The following LTBP4 variants were observed in gnomAD, a reference collection of about 807,000 sequenced individuals.
LTBP4 encodes the protein latent transforming growth factor beta binding protein 4.
A neutral mutation model predicts 180.2 loss-of-function variants in LTBP4; 93 were observed. The observed-to-expected ratio is 0.52, with a 90% CI of 0.44 to 0.61. The LOEUF (loss-of-function observed/expected upper bound fraction) is 0.61. Ranked by LOEUF, LTBP4 falls within the 20% of genes least tolerant of loss-of-function variation. The pLI is 0.00. For missense variants in LTBP4, 2,116 were observed against 2,256.5 expected, an observed-to-expected ratio of 0.94 and a Z score of 1.26; for synonymous variants, 947 against 934.5, an observed-to-expected ratio of 1.01 and a Z score of -0.24.
chr19:40,604,369 T>C (rs1012455395), intron 1 of LTBP4, among the ~76,000 whole-genome samples: 1 of 151,906 alleles, frequency 6.6e-6, no homozygotes, highest in Non-Finnish European at 1.5e-5. Flanking sequence ...CGGGGAGTTA[T>C]GCCAGGGAGT....
In LTBP4 at chr19:40,629,465, A is replaced by C. The variant is rs1422315333; in HGVS notation, c.4589A>C (p.Asp1530Ala). Residue 1530 changes from aspartate (D) to alanine (A), a missense_variant, in exon 30 of 30, where the codon GAT (aspartate) becomes GCT (alanine). Transcript: ENST00000396819. This position sits in a 1 kb window ranked among gnomAD's most constrained non-coding sequence, Gnocchi z 4.5. The stretch of plus-strand genomic sequence containing the variant: ...GTCAACGCGCGTTGCCTCAACACGG[A>C]TGGCTCCTTCCGCTGCATCTGCCGC... ...LCVNARCLNT[D>A]GSFRCICRPG... is the part of the protein sequence containing the mutation. 3.1e-6 allele frequency: 5 copies of C among 1,610,734 alleles called. No homozygotes were observed. Among genetic ancestry groups the C allele is most frequent in the Non-Finnish European group, 4.2e-6 (5 of 1,178,168 alleles).
Position 40,609,537 on chromosome 19 carries a change from C to T in LTBP4, c.1434C>T (p.Ser478=). Residue 478 remains serine, a synonymous_variant, in exon 10 of 30, where the codon TCC becomes TCT. Transcript: ENST00000396819. This position sits in a 1 kb window ranked among gnomAD's most constrained non-coding sequence, Gnocchi z 4.9. Reference sequence around the variant, plus strand: ...GCTGACTGGACCCCCCAGGTCCCTCCTCCGGCATGTGTCAGCGCAACCCCC... The same window carrying T: ...GCTGACTGGACCCCCCAGGTCCCTCTTCCGGCATGTGTCAGCGCAACCCCC... ...TGPEIPESGP[S]SGMCQRNPQV... The T allele has an allele frequency of 1.9e-6, 3 of 1,613,050 alleles. No homozygotes were observed. Among genetic ancestry groups the T allele is most frequent in the African/African-American group, 1.3e-5 (1 of 75,028 alleles).
In LTBP4 at chr19:40,613,632, G is replaced by A. The variant is rs1599868631; in HGVS notation, c.2557+103G>A. The A allele has an allele frequency of 1.3e-6, 2 of 1,519,608 alleles. No homozygotes were observed. Among genetic ancestry groups the A allele is most frequent in the Non-Finnish European group, 1.8e-6 (2 of 1,131,464 alleles). The allele number at this position is 1,519,608 out of a possible 1,614,324, so 94.1% of individuals were successfully genotyped here. ...AAAAGGGGAAAACGAGTTTTTAGCC[G>A]GGGTATTCCAGCAGGATCAGGGGGC... On this transcript the variant is annotated intron_variant, in intron 17 of 29. Transcript: ENST00000396819. This position sits in a 1 kb window ranked among gnomAD's most constrained non-coding sequence, Gnocchi z 5.0.
chr19:40,595,082 C>G (rs920640490), intron 1 of LTBP4, among the ~76,000 whole-genome samples: 4 of 152,006 alleles, frequency 2.6e-5, no homozygotes, highest in Non-Finnish European at 5.9e-5. Flanking sequence ...GCTTAAGAAT[C>G]CAACTGCTTT....
At chr19:40,600,277 G>A (rs994923960), upstream of LTBP4, 13 of 528,110 alleles carry the variant, frequency 2.5e-5, no homozygotes, top group Non-Finnish European at 3.3e-5. The surrounding 1 kb of genome is among the most constrained non-coding windows in gnomAD (Gnocchi z 4.4). Flanking sequence ...CCCGCCCCCC[G>A]TTGTAGCTCA....
Position 40,611,738 on chromosome 19 carries a change from G to C in LTBP4, c.2054-121G>C. 7.0e-7 allele frequency: 1 copy of C among 1,423,702 alleles called. No homozygotes were observed. Among genetic ancestry groups the C allele is most frequent in the Non-Finnish European group, 9.4e-7 (1 of 1,063,662 alleles). 88.2% of individuals were successfully genotyped at this position (1,423,702 alleles called of 1,614,324 possible). ...GAAGGTGTCTGTCTTCCTGGGAAGA[G>C]GGAGCAGCCTGAGGCAAGTCCAGAA... On this transcript the variant is annotated intron_variant, in intron 13 of 29. Coordinates refer to ENST00000396819, the MANE Select transcript of LTBP4 (RefSeq NM_001042545.2). This position sits in a 1 kb window ranked among gnomAD's most constrained non-coding sequence, Gnocchi z 4.4.
rs2081486573 is a variant in LTBP4, at chr19:40,609,184, G to C, written c.1427-346G>C. The stretch of plus-strand genomic sequence containing the variant: ...ATGCCTCTGAAGTGTCTGACACCTA[G>C]TAAGTGCTCAGATAAATACTTATGG... On this transcript the variant is annotated intron_variant, in intron 9 of 29. Transcript: ENST00000396819. This position sits in a 1 kb window ranked among gnomAD's most constrained non-coding sequence, Gnocchi z 4.9. 6.6e-6 allele frequency among the ~76,000 whole-genome samples: 1 copy of C among 152,088 alleles called. No individual in the cohort carries two copies. Among genetic ancestry groups the C allele is most frequent in the Non-Finnish European group, 1.5e-5 (1 of 68,022 alleles).
Position 40,613,631 on chromosome 19 carries a change from C to T in LTBP4, c.2557+102C>T, listed in dbSNP as rs2081524750. 1 of 1,513,560 alleles carries T rather than the reference C, an allele frequency of 6.6e-7. No homozygotes were observed. The allele number at this position is 1,513,560 out of a possible 1,614,324, so 93.8% of individuals were successfully genotyped here. A position where few individuals can be genotyped will look rare whatever the true frequency, so the allele number is the denominator to read the frequency against. On this transcript the variant is annotated intron_variant, in intron 17 of 29. Coordinates refer to ENST00000396819, the MANE Select transcript of LTBP4 (RefSeq NM_001042545.2). The surrounding 1 kb of genome is among the most constrained non-coding windows in gnomAD (Gnocchi z 5.0). The stretch of plus-strand genomic sequence containing the variant: ...GAAAAGGGGAAAACGAGTTTTTAGC[C>T]GGGGTATTCCAGCAGGATCAGGGGG...
Position 40,614,312 on chromosome 19 carries a change from C to T in LTBP4, c.2681-3C>T. 6.3e-7 allele frequency: 1 copy of T among 1,598,580 alleles called. No individual in the cohort carries two copies. Among genetic ancestry groups the T allele is most frequent in the Non-Finnish European group, 8.5e-7 (1 of 1,178,906 alleles). ...CATCCGACCACCCGACCTCTCTCCTCAGACGTGGACGAATGTCGCGAGCGA... is the reference window on the plus strand; with the variant it reads ...CATCCGACCACCCGACCTCTCTCCTTAGACGTGGACGAATGTCGCGAGCGA... On this transcript the variant is annotated splice_polypyrimidine_tract_variant and splice_region_variant and intron_variant, in intron 18 of 29. Coordinates refer to ENST00000396819, the MANE Select transcript of LTBP4 (RefSeq NM_001042545.2).
intron 22 of LTBP4, among the ~76,000 whole-genome samples, chr19:40,621,529 C>T (rs961830242): frequency 6.6e-6 from 1 of 152,120 alleles, no homozygotes; most frequent in Non-Finnish European, 1.5e-5. Flanking sequence ...TTTGAAACCT[C>T]CCTCTGGCCG....
Position 40,606,490 on chromosome 19 carries a change from G to A in LTBP4, c.955G>A (p.Gly319Ser), listed in dbSNP as rs1183919200. 6.3e-7 allele frequency: 1 copy of A among 1,576,498 alleles called. No individual in the cohort carries two copies. The highest frequency in any genetic ancestry group is 1.4e-5 in the African/African-American group (1 of 74,050). The change falls in exon 6 of 30, where the codon GGC becomes AGC. Residue 319 changes from glycine (G) to serine (S), a missense_variant. Physicochemically the swap from Gly to Ser is moderately conservative, Grantham distance 56. Around this residue, in one of 5 missense-constraint regions of LTBP4, gnomAD observed 469 missense variants for 532.5 expected, o/e 0.88. Coordinates refer to ENST00000396819, the MANE Select transcript of LTBP4 (RefSeq NM_001042545.2). Reference sequence around the variant, plus strand: ...CGGGTACACGTGTGTGTGCCCCGACGGCTTTCTGCTCGACTCGTCCCGCAG... The same window carrying A: ...CGGGTACACGTGTGTGTGCCCCGACAGCTTTCTGCTCGACTCGTCCCGCAG... The part of the protein sequence containing the change: ...RGGYTCVCPD[G>S]FLLDSSRSSC...
Position 40,601,527 on chromosome 19 carries a change from A to C in LTBP4, c.140A>C (p.His47Pro). 1 of 1,493,316 alleles carries C rather than the reference A, an allele frequency of 6.7e-7. No individual in the cohort carries two copies. The highest frequency in any genetic ancestry group is 1.3e-5 in the South Asian group (1 of 79,498). The allele number at this position is 1,493,316 out of a possible 1,614,324, so 92.5% of individuals were successfully genotyped here. Residue 47 changes from histidine (H) to proline (P), a missense_variant, in exon 1 of 30, where the codon CAT becomes CCT. His to Pro is a moderately conservative substitution (Grantham distance 77, BLOSUM62 -2). This residue lies in a region of LTBP4 where 469 missense variants were observed against 532.5 expected (regional missense o/e 0.88). Coordinates refer to ENST00000396819, the MANE Select transcript of LTBP4 (RefSeq NM_001042545.2). Reference sequence around the variant, plus strand: ...GTCGTGTGCGGCCTGCGCTGCGTCCATGGGCCGACCGGCTCCCGCTGTACC... The same window carrying C: ...GTCGTGTGCGGCCTGCGCTGCGTCCCTGGGCCGACCGGCTCCCGCTGTACC... ...TPVVCGLRCV[H>P]GPTGSRCTPT... is the part of the protein sequence containing the mutation.
chr19:40,603,115 C>G (rs2081435611), intron 1 of LTBP4, among the ~76,000 whole-genome samples: 1 of 152,182 alleles, frequency 6.6e-6, no homozygotes, highest in African/African-American at 2.4e-5. Context: ...GAAATTCCCT[C>G]TCATTCTTCC....
chr19:40,597,670 G>C (rs1195615687), upstream of LTBP4, among the ~76,000 whole-genome samples: 1 of 151,788 alleles, frequency 6.6e-6, no homozygotes, highest in African/African-American at 2.4e-5. Flanking sequence ...GGGGTGGGGG[G>C]CTGAGCTCTC....
intron 7 of LTBP4, 37 bp from the exon 8 acceptor site, chr19:40,608,183 C>T (rs1264133067): frequency 6.2e-7 from 1 of 1,612,786 alleles, no homozygotes; most frequent in South Asian, 1.1e-5. Flanking sequence ...TCTTCCCGCT[C>T]TCTTGTCCTC....
At chr19:40,595,400 C>T (rs1357712444) in intron 1 of LTBP4, among the ~76,000 whole-genome samples, 1 of 152,132 alleles carries the variant, frequency 6.6e-6, no homozygotes, top group Admixed American at 6.5e-5. Context: ...CCCCGAAGCT[C>T]TGTCCCTCAG....
intron 1 of LTBP4, among the ~76,000 whole-genome samples, chr19:40,602,615 C>A (rs1449284730): frequency 6.6e-6 from 1 of 152,198 alleles, no homozygotes; most frequent in Non-Finnish European, 1.5e-5. Context: ...CCCGGCCCAG[C>A]CCCAACGTGC....
At position 40,605,677 on chromosome 19, in the gene LTBP4, G is replaced by T. The variant is rs1312825645; in HGVS notation, c.690+25G>T. Reference sequence around the variant, plus strand: ...AGTGAGAGGAGGCCCGTGGGGAGGGGCCCGGAGCTTGCCTCCGCGCGGGGG... The same window carrying T: ...AGTGAGAGGAGGCCCGTGGGGAGGGTCCCGGAGCTTGCCTCCGCGCGGGGG... On this transcript the variant is annotated intron_variant, in intron 3 of 29. Transcript: ENST00000396819. This position sits in a 1 kb window ranked among gnomAD's most constrained non-coding sequence, Gnocchi z 5.5. 6.4e-7 allele frequency: 1 copy of T among 1,550,554 alleles called. No individual in the cohort carries two copies. Among genetic ancestry groups the T allele is most frequent in the South Asian group, 1.2e-5 (1 of 83,996 alleles).
chr19:40,629,679 T>C lies in LTBP4; in HGVS notation c.*129T>C. ...CCTGGAGAAGGGACCTACGGACGCC[T>C]GGAAGCTGCGACGCCCTGCACTGCT... On this transcript the variant is annotated 3_prime_UTR_variant, in exon 30 of 30. Coordinates refer to ENST00000396819, the MANE Select transcript of LTBP4 (RefSeq NM_001042545.2). This position sits in a 1 kb window ranked among gnomAD's most constrained non-coding sequence, Gnocchi z 4.5. 3 of 1,004,528 alleles carry C rather than the reference T, an allele frequency of 3.0e-6. No homozygotes were observed. The highest frequency in any genetic ancestry group is 3.9e-6 in the Non-Finnish European group (3 of 767,784). 62.2% of individuals were successfully genotyped at this position (1,004,528 alleles called of 1,614,324 possible).
Sources: allele counts gnomAD v4.1 joint callset (sites outside exome capture counted in the v4.1 genomes callset), GRCh38; gene constraint gnomAD v4.1.1; regional missense constraint gnomAD v4.1.1; non-coding constraint Gnocchi (gnomAD v3.1); transcripts MANE v1.5; gene names NCBI Gene and HGNC (gene_info 2026-07-23, HGNC 2026-07-21).